The following TENM2 variants were observed in gnomAD, a reference collection of about 807,000 sequenced individuals.
The protein encoded by TENM2 is teneurin transmembrane protein 2.
Under a neutral mutation model 245.2 loss-of-function variants are expected in TENM2, and 52 were observed. The ratio of observed to expected loss-of-function variants is 0.21; its 90% CI spans 0.17 to 0.27. The LOEUF is 0.27. Ranked by LOEUF, TENM2 falls within the 10% of genes least tolerant of loss-of-function variation. TENM2 has a pLI of 1.00. For synonymous variants in TENM2, 1,363 were observed against 1,438.9 expected, an observed-to-expected ratio of 0.95 and a Z score of 1.19; for missense variants, 3,046 against 3,666.8, an observed-to-expected ratio of 0.83 and a Z score of 4.37.
At chr5:167,306,220 G>A (rs1755667054) in intron 1 of TENM2, 1 of 152,198 alleles carries the variant, frequency 6.6e-6, no homozygotes, top group African/African-American at 2.4e-5. Flanking sequence ...GTTATTTTGT[G>A]GAGCACAATG....
intron 2 of TENM2, among the ~76,000 whole-genome samples, chr5:167,550,580 A>G (rs1772860730): frequency 6.6e-6 from 1 of 152,088 alleles, no homozygotes; most frequent in African/African-American, 2.4e-5. Context: ...GTGGCCTGGC[A>G]GTATGTTCTA....
chr5:167,556,557 C>A (rs1336608141), intron 2 of TENM2, among the ~76,000 whole-genome samples: 1 of 152,016 alleles, frequency 6.6e-6, no homozygotes, highest in African/African-American at 2.4e-5. Context: ...CTTATGTAAA[C>A]CCACACTTTG....
intron 1 of TENM2, among the ~76,000 whole-genome samples, chr5:167,315,661 C>T (rs1185657865): frequency 2.0e-5 from 3 of 151,648 alleles, no homozygotes; most frequent in Non-Finnish European, 2.9e-5. Context: ...GAAAATTGAC[C>T]CTTTTTATGA....
At chr5:167,350,970 G>T (rs182754490) in intron 1 of TENM2, among the ~76,000 whole-genome samples, 1 of 69,878 alleles carries the variant, frequency 1.4e-5, no homozygotes, top group African/African-American at 4.6e-5. Context: ...TATATATGGG[G>T]TATATACATA....
At chr5:167,124,327 A>G in the TENM2 span, among the ~76,000 whole-genome samples, 1 of 152,102 alleles carries the variant, frequency 6.6e-6, no homozygotes, top group South Asian at 2.1e-4. Context: ...TTAAACTGTG[A>G]CTCCCACAGC....
chr5:168,048,053 G>T (rs912092146), intron 6 of TENM2, among the ~76,000 whole-genome samples: 29 of 152,338 alleles, frequency 1.9e-4, no homozygotes, highest in African/African-American at 6.7e-4. Flanking sequence ...GAGCTGCTGT[G>T]CTTTGGGGGA....
the TENM2 span, among the ~76,000 whole-genome samples, chr5:166,985,971 A>G: frequency 6.6e-6 from 1 of 152,338 alleles, no homozygotes; most frequent in East Asian, 1.9e-4. Flanking sequence ...TTTGCAATAA[A>G]TAATGATTTA....
chr5:167,640,511 G>T (rs1018627513), intron 2 of TENM2, among the ~76,000 whole-genome samples: 1 of 151,610 alleles, frequency 6.6e-6, no homozygotes, highest in Non-Finnish European at 1.5e-5. Context: ...CCAGCTACTC[G>T]GGAGGCTGAG....
rs1465103496 is a variant in TENM2, at chr5:167,651,527, G to A, written c.503-224459G>A. On this transcript the variant is annotated intron_variant, in intron 2 of 28. Coordinates refer to ENST00000518659, the Ensembl canonical transcript of TENM2. Reference sequence around the variant, plus strand: ...ATTCTCCTCACATGCATGCTATTTTGTACCTGTAGTAATAAGTAACATGAC... The same window carrying A: ...ATTCTCCTCACATGCATGCTATTTTATACCTGTAGTAATAAGTAACATGAC... Among the ~76,000 whole-genome samples, 4 of 139,872 alleles carry A rather than the reference G, an allele frequency of 2.9e-5. No homozygotes were observed. The South Asian group carries it at 8.3e-4, about 29-fold the overall frequency. 91.8% of individuals were successfully genotyped at this position (139,872 alleles called of 152,430 possible).
the TENM2 span, among the ~76,000 whole-genome samples, chr5:166,987,430 TG>T: frequency 6.6e-6 from 1 of 151,668 alleles, no homozygotes; most frequent in African/African-American, 2.4e-5. Flanking sequence ...GGTGTGTGTG[TG>T]TGTGTGTGTG....
At chr5:167,146,367 A>G in the TENM2 span, among the ~76,000 whole-genome samples, 2 of 152,084 alleles carry the variant, frequency 1.3e-5, no homozygotes. Context: ...GGAAAGTTCT[A>G]TTTCAATATT....
chr5:167,445,332 T>TAGAGAGAGAGAGAGAGAG (rs71591182), intron 2 of TENM2, among the ~76,000 whole-genome samples: 41 of 76,996 alleles, frequency 5.3e-4, no homozygotes, highest in Non-Finnish European at 8.6e-4. Context: ...TATATATATA[T>TAGAGAGAGAGAGAGAGAG]ATATAGAGAG....
intron 1 of TENM2, among the ~76,000 whole-genome samples, chr5:167,335,516 C>T (rs1372494702): frequency 6.6e-6 from 1 of 152,176 alleles, no homozygotes; most frequent in Non-Finnish European, 1.5e-5. Flanking sequence ...GCTTTCACCT[C>T]TACCACTACT....
At chr5:167,677,596 A>G (rs1756418401) in intron 2 of TENM2, among the ~76,000 whole-genome samples, 1 of 151,526 alleles carries the variant, frequency 6.6e-6, no homozygotes, top group African/African-American at 2.4e-5. Flanking sequence ...ACCACCCAAA[A>G]AGCATCATCA....
At chr5:167,465,714 C>T (rs2127499734) in intron 2 of TENM2, among the ~76,000 whole-genome samples, 1 of 152,216 alleles carries the variant, frequency 6.6e-6, no homozygotes, top group Admixed American at 6.5e-5. Flanking sequence ...GCCTGTAGTC[C>T]CAGCTACTCC....
At chr5:168,070,919 T>G (rs1790960989) in intron 7 of TENM2, among the ~76,000 whole-genome samples, 1 of 145,472 alleles carries the variant, frequency 6.9e-6, no homozygotes, top group African/African-American at 2.6e-5. Context: ...GAAACCACTG[T>G]GGAAGTGCTG....
chr5:167,814,747 A>AT (rs957357040), intron 2 of TENM2, among the ~76,000 whole-genome samples: 1 of 152,016 alleles, frequency 6.6e-6, no homozygotes, highest in African/African-American at 2.4e-5. Context: ...CCAAGCTGTG[A>AT]TTTTATGGAT....
At chr5:167,946,495 A>G (rs970939196) in intron 3 of TENM2, among the ~76,000 whole-genome samples, 4 of 152,146 alleles carry the variant, frequency 2.6e-5, no homozygotes, top group African/African-American at 9.7e-5. Context: ...GGTGGTGCAG[A>G]GCTTTGAGGT....
chr5:167,407,501 T>A (rs1762697864), intron 2 of TENM2, among the ~76,000 whole-genome samples: 1 of 152,024 alleles, frequency 6.6e-6, no homozygotes, highest in South Asian at 2.1e-4. Flanking sequence ...ATTAATTAAA[T>A]CTAATGAAAA....
Sources: allele counts gnomAD v4.1 joint callset (sites outside exome capture counted in the v4.1 genomes callset), GRCh38; gene constraint gnomAD v4.1.1; transcripts MANE v1.5; gene names NCBI Gene and HGNC (gene_info 2026-07-23, HGNC 2026-07-21).